Variants in STON2 observed in about 807,000 individuals in gnomAD.
STON2 encodes the protein stonin-2.
Under a neutral mutation model 65.7 loss-of-function variants are expected in STON2, and 29 were observed. The observed-to-expected ratio is 0.44, with a 90% CI of 0.33 to 0.60. The LOEUF (loss-of-function observed/expected upper bound fraction) is 0.60, where lower values mean the gene tolerates loss of function less well. Ranked by LOEUF, STON2 falls within the 20% of genes least tolerant of loss-of-function variation. STON2 has a pLI of 0.03. For synonymous variants in STON2, 404 were observed against 414.2 expected (o/e 0.98, Z 0.30); for missense variants, 1,054 against 1,118.1 (o/e 0.94, Z 0.82).
intron 4 of STON2, among the ~76,000 whole-genome samples, chr14:81,336,983 T>C (rs1897398470): frequency 6.6e-6 from 1 of 152,118 alleles, no homozygotes; most frequent in Non-Finnish European, 1.5e-5. Flanking sequence ...TGCAGAACTT[T>C]CCCAAGGTTC....
intron 2 of STON2, among the ~76,000 whole-genome samples, chr14:81,416,407 G>C (rs369417505): frequency 6.6e-6 from 1 of 152,188 alleles, no homozygotes; most frequent in East Asian, 1.9e-4. Context: ...GTAGTGGTGT[G>C]AGCTTCAGCC....
At chr14:81,350,800 C>T (rs992107958) in intron 4 of STON2, among the ~76,000 whole-genome samples, 14 of 152,098 alleles carry the variant, frequency 9.2e-5, no homozygotes, top group African/African-American at 3.1e-4. Flanking sequence ...TAAACACTCG[C>T]GGGGGTACTC....
At chr14:81,309,744 A>G (rs1036510136) in intron 5 of STON2, among the ~76,000 whole-genome samples, 1 of 152,248 alleles carries the variant, frequency 6.6e-6, no homozygotes, top group African/African-American at 2.4e-5. Flanking sequence ...TCTTTCTGTC[A>G]TCATTGCCTC....
At chr14:81,276,330 C>G (rs1894817037) in intron 6 of STON2, among the ~76,000 whole-genome samples, 1 of 152,204 alleles carries the variant, frequency 6.6e-6, no homozygotes, top group Non-Finnish European at 1.5e-5. Flanking sequence ...TTTAGAAATT[C>G]ATGTCCTAGC....
intron 4 of STON2, among the ~76,000 whole-genome samples, chr14:81,359,465 T>G (rs543156046): frequency 1.1e-4 from 16 of 151,880 alleles, no homozygotes; most frequent in Non-Finnish European, 1.2e-4. Flanking sequence ...AATGTACACC[T>G]CAAGAAAACA....
chr14:81,355,735 G>A (rs559514955), intron 4 of STON2, among the ~76,000 whole-genome samples: 1 of 152,208 alleles, frequency 6.6e-6, no homozygotes, highest in African/African-American at 2.4e-5. Context: ...CCCTTGTAAG[G>A]TGGATTCCTA....
chr14:81,274,788 T>G (rs559692140), intron 6 of STON2, among the ~76,000 whole-genome samples: 1 of 151,642 alleles, frequency 6.6e-6, no homozygotes, highest in South Asian at 2.1e-4. Flanking sequence ...ATACAAAAAT[T>G]TAGCTACTCA....
chr14:81,324,074 G>A lies in STON2; in HGVS notation c.685C>T (p.Gln229Ter), dbSNP rs1228854789. Among the ~76,000 whole-genome samples the A allele has an allele frequency of 6.6e-6, 1 of 152,238 alleles. No homozygotes were observed. Among genetic ancestry groups the A allele is most frequent in the Non-Finnish European group, 1.5e-5 (1 of 68,044 alleles). ...CCGGGGTTCTGGCTCCTCTTGGGCT[G>A]GGGTGAGGGTGGCGAGGGGTCCAGG... is the stretch of plus-strand genomic sequence containing the variant. ...HRLDPSPPSP[Q>*]PKRSQNPGEG... Residue 229 changes from glutamine to a stop codon, truncating the protein, a stop_gained, in exon 5 of 8, where the codon CAG becomes TAG. Coordinates refer to ENST00000614646, the MANE Select transcript of STON2 (RefSeq NM_001394390.1). LOFTEE classifies it high-confidence loss of function.
rs371678374 is a variant in STON2, at chr14:81,262,366, A to T, written c.*6048T>A. ...TAGGGAAGCTGGCTGCTAACACAGC[A>T]CCTGACCAGAGTAGACATTTGATAA... On this transcript the variant is annotated 3_prime_UTR_variant, in exon 8 of 8. Coordinates refer to ENST00000614646, the MANE Select transcript of STON2 (RefSeq NM_001394390.1). The T allele has an allele frequency of 7.4e-5, 73 of 985,468 alleles. No homozygotes were observed. The African/African-American group carries it at 1.1e-3, about 15-fold the overall frequency. 61.0% of individuals were successfully genotyped at this position (985,468 alleles called of 1,614,324 possible).
intron 7 of STON2, chr14:81,269,473 AGG>A: frequency 1.0e-6 from 1 of 985,464 alleles, no homozygotes; most frequent in East Asian, 1.1e-4. Context: ...AGCTCAGGCA[AGG>A]AATTCTTTGA....
intron 5 of STON2, among the ~76,000 whole-genome samples, chr14:81,310,049 T>C (rs974224938): frequency 6.6e-6 from 1 of 152,180 alleles, no homozygotes; most frequent in Non-Finnish European, 1.5e-5. Context: ...TTCCACACTT[T>C]AAAGTGAGGG....
chr14:81,307,149 T>C (rs1236494001), intron 5 of STON2, among the ~76,000 whole-genome samples: 4 of 152,188 alleles, frequency 2.6e-5, no homozygotes, highest in African/African-American at 4.8e-5. Context: ...AGGCCAGAAT[T>C]AACAAGAGAA....
At chr14:81,413,233 T>G in intron 2 of STON2, 1 of 1,542,406 alleles carries the variant, frequency 6.5e-7, no homozygotes, top group East Asian at 2.8e-5. Context: ...TGTTCAAATC[T>G]GGTTAAAAGC....
intron 2 of STON2, among the ~76,000 whole-genome samples, chr14:81,410,967 CAT>C (rs776052637): frequency 1.5e-4 from 23 of 152,340 alleles, no homozygotes; most frequent in Middle Eastern, 3.4e-3. Flanking sequence ...CAAAATTACA[CAT>C]GTCGCACTTT....
chr14:81,353,556 C>G (rs976385114), intron 4 of STON2, among the ~76,000 whole-genome samples: 1 of 152,196 alleles, frequency 6.6e-6, no homozygotes, highest in African/African-American at 2.4e-5. Flanking sequence ...GAGAAATAGA[C>G]TCACTTTAAC....
Position 81,265,761 on chromosome 14 carries a change from A to T in STON2, c.*2653T>A, listed in dbSNP as rs1894336176. On this transcript the variant is annotated 3_prime_UTR_variant, in exon 8 of 8. Coordinates refer to ENST00000614646, the MANE Select transcript of STON2 (RefSeq NM_001394390.1). ...GGATTTTTCCCAACTCTTGGTAAAA[A>T]AAACAAAAAAGTCCAGGTGCATGTA... is the stretch of plus-strand genomic sequence containing the variant. 1.0e-6 allele frequency: 1 copy of T among 985,004 alleles called. No individual in the cohort carries two copies. The highest frequency in any genetic ancestry group is 6.2e-5 in the Admixed American group (1 of 16,234). 61.0% of individuals were successfully genotyped at this position (985,004 alleles called of 1,614,324 possible).
At position 81,261,961 on chromosome 14, in the gene STON2, AAG is replaced by A. The variant is rs539791070; in HGVS notation, c.*6451_*6452del. ...GGAAATGATAAAAAAAAAAAAAAAA[AAG>A]AGAGAGATGTGAAAAGGAAAAAGAT... is the stretch of plus-strand genomic sequence containing the variant. On this transcript the variant is annotated 3_prime_UTR_variant, in exon 8 of 8. Coordinates refer to ENST00000614646, the MANE Select transcript of STON2 (RefSeq NM_001394390.1). 5.6e-6 allele frequency: 8 copies of A among 1,418,926 alleles called. No individual in the cohort carries two copies. In the African/African-American group the frequency reaches 5.8e-5, roughly 10 times the overall value. The allele number at this position is 1,418,926 out of a possible 1,614,324, so 87.9% of individuals were successfully genotyped here. A position where few individuals can be genotyped will look rare whatever the true frequency, so the allele number is the denominator to read the frequency against.
chr14:81,327,469 G>A (rs987057837), intron 4 of STON2, among the ~76,000 whole-genome samples: 17 of 152,086 alleles, frequency 1.1e-4, no homozygotes, highest in African/African-American at 4.1e-4. Context: ...ATCGCATTTA[G>A]ATTTGATTTT....
intron 2 of STON2, among the ~76,000 whole-genome samples, chr14:81,407,606 A>T (rs1900932270): frequency 6.6e-6 from 1 of 152,206 alleles, no homozygotes; most frequent in South Asian, 2.1e-4. Flanking sequence ...CTGTCCAGTC[A>T]TCTGTTTGGA....
Sources: allele counts gnomAD v4.1 joint callset (sites outside exome capture counted in the v4.1 genomes callset), GRCh38; gene constraint gnomAD v4.1.1; transcripts MANE v1.5; gene names NCBI Gene and HGNC (gene_info 2026-07-23, HGNC 2026-07-21).